Variants in LRPAP1 observed in about 807,000 individuals in gnomAD.
LRPAP1 encodes alpha-2-macroglobulin receptor-associated protein.
A neutral mutation model predicts 39.9 loss-of-function variants in LRPAP1; 41 were observed. That is an observed-to-expected ratio of 1.03 (90% CI 0.80 to 1.33). The LOEUF (loss-of-function observed/expected upper bound fraction) is 1.33. Ranked by LOEUF, LRPAP1 falls within the 40% of genes most tolerant of loss-of-function variation. The pLI, the probability that LRPAP1 is intolerant of heterozygous loss-of-function variation, is 0.00. For synonymous variants in LRPAP1, 263 were observed against 212.7 expected, an observed-to-expected ratio of 1.24 and a Z score of -2.06; for missense variants, 565 against 482.3, an observed-to-expected ratio of 1.17 and a Z score of -1.61.
chr4:3,532,040 G>C (rs1161319581), intron 1 of LRPAP1, 169 bp downstream of exon 1: 2 of 741,964 alleles, frequency 2.7e-6, no homozygotes, highest in African/African-American at 1.9e-5. Flanking sequence ...GAAGGGGTCG[G>C]GGCGCCCCAC....
chr4:3,532,399 C>G lies in LRPAP1; in HGVS notation c.14G>C (p.Arg5Thr). Reference protein sequence around the residue: MAPRRVRSFLRGLPA... With the variant: MAPRTVRSFLRGLPA... ...GAGCCCGCGCAGAAACGACCTGACC[C>G]TCCGCGGCGCCATCTTCCTCTGCGA... is the stretch of plus-strand genomic sequence containing the variant. The change falls in exon 1 of 8, where the codon AGG becomes ACG. Residue 5 changes from arginine to threonine, a missense_variant. Physicochemically the swap from Arg to Thr is moderately conservative, Grantham distance 71. Coordinates refer to ENST00000650182, the MANE Select transcript of LRPAP1 (RefSeq NM_002337.4). 1 of 1,576,198 alleles carries G rather than the reference C, an allele frequency of 6.3e-7. No homozygotes were observed. Among genetic ancestry groups the G allele is most frequent in the Non-Finnish European group, 8.6e-7 (1 of 1,162,352 alleles).
intron 2 of LRPAP1, among the ~76,000 whole-genome samples, chr4:3,520,440 C>G (rs1729876894): frequency 6.6e-6 from 1 of 152,250 alleles, no homozygotes; most frequent in African/African-American, 2.4e-5. Context: ...CAGGACCTCC[C>G]TCTTTCCTAC....
chr4:3,514,884 G>C lies in LRPAP1; in HGVS notation c.879C>G (p.His293Gln), dbSNP rs781762889. The change falls in exon 7 of 8, where the codon CAC becomes CAG. Residue 293 changes from histidine to glutamine, a missense_variant. By Grantham distance (24) the His-to-Gln change is conservative. Transcript: ENST00000650182. ...HFEAKIEKHN[H>Q]YQKQLEIAHE... Reference sequence around the variant, plus strand: ...GCGCAATCTCCAGCTGCTTCTGGTAGTGGTTGTGCTTCTCGATTTTGGCTT... The same window carrying C: ...GCGCAATCTCCAGCTGCTTCTGGTACTGGTTGTGCTTCTCGATTTTGGCTT... 1 of 1,613,904 alleles carries C rather than the reference G, an allele frequency of 6.2e-7. No homozygotes were observed. The highest frequency in any genetic ancestry group is 2.2e-5 in the East Asian group (1 of 44,878).
chr4:3,515,813 T>A lies in LRPAP1; in HGVS notation c.834+303A>T. 8 of 439,982 alleles carry A rather than the reference T, an allele frequency of 1.8e-5. No homozygotes were observed. The South Asian group carries it at 1.9e-4, about 11-fold the overall frequency. 27.3% of individuals were successfully genotyped at this position (439,982 alleles called of 1,614,324 possible). ...TGTCCTTGGTCCCCTCCCCCCAGGC[T>A]GTGGCTGGGTCCCGACCAACTGTTG... On this transcript the variant is annotated intron_variant, in intron 6 of 7. Transcript: ENST00000650182.
chr4:3,517,854 C>A, intron 5 of LRPAP1, 180 bp downstream of exon 5: 9 of 644,902 alleles, frequency 1.4e-5, no homozygotes, highest in Non-Finnish European at 7.3e-6. Context: ...GTGACCTTCA[C>A]GGAGCAGCTC....
At chr4:3,518,734 T>G in intron 4 of LRPAP1, 137 bp downstream of exon 4, 1 of 601,742 alleles carries the variant, frequency 1.7e-6, no homozygotes, top group Non-Finnish European at 2.8e-6. Flanking sequence ...GGGCGTCTGG[T>G]GCCGCCTCCC....
chr4:3,528,528 C>A (rs1076897), intron 1 of LRPAP1, among the ~76,000 whole-genome samples: 104,543 of 152,152 alleles, frequency 0.69, 36,582 homozygotes, highest in East Asian at 0.92. Context: ...CTGCACACAC[C>A]GCACAGTTCA....
rs1426675672 is a variant in LRPAP1, at chr4:3,514,945, A to G, written c.835-17T>C. The G allele has an allele frequency of 1.2e-6, 2 of 1,612,086 alleles. No homozygotes were observed. Among genetic ancestry groups the G allele is most frequent in the Admixed American group, 3.3e-5 (2 of 59,988 alleles). ...GAGCTCCTCCTGGAACAAGGTTTCCATAGGTGAGTGTTCCCTTCCCGTGCT... is the reference window on the plus strand; with the variant it reads ...GAGCTCCTCCTGGAACAAGGTTTCCGTAGGTGAGTGTTCCCTTCCCGTGCT... On this transcript the variant is annotated splice_polypyrimidine_tract_variant and intron_variant, in intron 6 of 7. Transcript: ENST00000650182.
chr4:3,513,788 C>A (rs1729609845), intron 7 of LRPAP1, among the ~76,000 whole-genome samples: 1 of 152,238 alleles, frequency 6.6e-6, no homozygotes, highest in African/African-American at 2.4e-5. Flanking sequence ...TCAGCCCAGC[C>A]TGGGCTGGGG....
rs528220365 is a variant in LRPAP1 at position 3,503,723 on chromosome 4, G to A, written c.*9251C>T. 3.3e-5 allele frequency: 5 copies of A among 152,378 alleles called. No homozygotes were observed. The highest frequency in any genetic ancestry group is 3.4e-3 in the Middle Eastern group (1 of 294). 9.4% of individuals were successfully genotyped at this position (152,378 alleles called of 1,614,324 possible). ...TTGAGGGAAACTTATAACCTCACGC[G>A]CTTGTTTCACAAAACAACAGCAGAC... On this transcript the variant is annotated 3_prime_UTR_variant, in exon 8 of 8. Transcript: ENST00000650182.
chr4:3,515,887 C>A, intron 6 of LRPAP1: 1 of 581,916 alleles, frequency 1.7e-6, no homozygotes, highest in Non-Finnish European at 3.1e-6. Flanking sequence ...TGAACACGGA[C>A]AAAAGAACCA....
chr4:3,525,233 C>G, intron 1 of LRPAP1, 182 bp from the exon 2 acceptor site: 1 of 644,782 alleles, frequency 1.6e-6, no homozygotes, highest in South Asian at 1.8e-5. Flanking sequence ...ACATGGACAC[C>G]AGTCTCTAGG....
chr4:3,528,529 G>C (rs73197154), intron 1 of LRPAP1, among the ~76,000 whole-genome samples: 4,401 of 152,294 alleles, frequency 0.029, 97 homozygotes, highest in Middle Eastern at 0.078. Flanking sequence ...TGCACACACC[G>C]CACAGTTCAG....
chr4:3,526,395 T>C (rs911363025), intron 1 of LRPAP1, among the ~76,000 whole-genome samples: 7 of 152,266 alleles, frequency 4.6e-5, no homozygotes, highest in African/African-American at 1.4e-4. Flanking sequence ...CCCTTAGACG[T>C]TTGAAATATT....
Position 3,510,280 on chromosome 4 carries a change from T to A in LRPAP1, c.*2694A>T, listed in dbSNP as rs1577200489. ...CCCGTCTCTACAAAAAAAATAAAAATAAAAAAAATAAAATCAGCCGGGTGT... is the reference window on the plus strand; with the variant it reads ...CCCGTCTCTACAAAAAAAATAAAAAAAAAAAAAATAAAATCAGCCGGGTGT... On this transcript the variant is annotated 3_prime_UTR_variant, in exon 8 of 8. Coordinates refer to ENST00000650182, the MANE Select transcript of LRPAP1 (RefSeq NM_002337.4). 6.6e-6 allele frequency: 1 copy of A among 151,484 alleles called. No homozygotes were observed. Among genetic ancestry groups the A allele is most frequent in the Admixed American group, 6.6e-5 (1 of 15,204 alleles). 9.4% of individuals were successfully genotyped at this position (151,484 alleles called of 1,614,324 possible). A position where few individuals can be genotyped will look rare whatever the true frequency, so the allele number is the denominator to read the frequency against.
chr4:3,522,219 G>C (rs900678257), intron 2 of LRPAP1, among the ~76,000 whole-genome samples: 8 of 152,230 alleles, frequency 5.3e-5, no homozygotes, highest in African/African-American at 1.9e-4. Flanking sequence ...AGGAGAGGGG[G>C]AGACGGGGAG....
chr4:3,524,543 C>T (rs1026866268), intron 2 of LRPAP1, among the ~76,000 whole-genome samples: 2 of 152,246 alleles, frequency 1.3e-5, no homozygotes, highest in African/African-American at 4.8e-5. Context: ...CGGCCAAGGG[C>T]GCATCTGTGC....
chr4:3,517,830 G>T, intron 5 of LRPAP1: 1 of 541,442 alleles, frequency 1.8e-6, no homozygotes. Context: ...CAGGTACAAG[G>T]CTGGGGACGG....
At chr4:3,513,533 T>G (rs1729599267) in intron 7 of LRPAP1, among the ~76,000 whole-genome samples, 1 of 152,190 alleles carries the variant, frequency 6.6e-6, no homozygotes, top group African/African-American at 2.4e-5. Flanking sequence ...GGTCTCGAAC[T>G]CCTGAGCTCA....
Sources: gnomAD v4.1 joint callset for allele counts (sites outside exome capture counted in the v4.1 genomes callset) on GRCh38, gnomAD v4.1.1 for gene constraint, MANE v1.5 for transcripts, NCBI Gene and HGNC (gene_info 2026-07-23, HGNC 2026-07-21) for gene names.